SLCO3A1: variants seen among roughly 807,000 people sequenced by gnomAD.
SLCO3A1 encodes the protein PGE1 transporter.
A neutral mutation model predicts 63.1 loss-of-function variants in SLCO3A1; 27 were observed. The observed-to-expected ratio is 0.43, with a 90% CI of 0.32 to 0.59. The LOEUF (loss-of-function observed/expected upper bound fraction) is 0.59, where lower values mean the gene tolerates loss of function less well. Among genes scored for constraint, SLCO3A1 ranks in the 20% least tolerant of loss-of-function variants. The pLI is 0.09. For missense variants in SLCO3A1, 773 were observed against 945.8 expected (o/e 0.82, Z 2.40); for synonymous variants, 473 against 409.9 (o/e 1.15, Z -1.86).
In SLCO3A1 at chr15:92,131,810, A is replaced by G. The variant is rs569487258; in HGVS notation, c.1512+3321A>G. On this transcript the variant is annotated intron_variant, in intron 7 of 9. Transcript: ENST00000318445. ...CTCTCAGGGCTGTCTCTCCTTCACC[A>G]CTGCTGAGAAGCCTTCTCCAGCTCA... Among the ~76,000 whole-genome samples the G allele has an allele frequency of 3.7e-4, 53 of 145,114 alleles. 8 individuals carry two copies. Among genetic ancestry groups the G allele is most frequent in the Non-Finnish European group, 5.7e-4 (37 of 64,912 alleles).
chr15:92,126,018 C>T (rs1292029756), intron 5 of SLCO3A1, 43 bp from the exon 6 acceptor site: 1 of 1,571,072 alleles, frequency 6.4e-7, no homozygotes, highest in African/African-American at 1.4e-5. Flanking sequence ...AGACTGGCCC[C>T]ACCTTCCCTG....
At chr15:92,103,335 G>C (rs1367646136) in intron 3 of SLCO3A1, among the ~76,000 whole-genome samples, 1 of 152,140 alleles carries the variant, frequency 6.6e-6, no homozygotes, top group East Asian at 1.9e-4. Context: ...TGTAAAGAGA[G>C]AGAAAGAAAA....
chr15:92,132,354 T>C (rs8028432), intron 7 of SLCO3A1, among the ~76,000 whole-genome samples: 5 of 142,286 alleles, frequency 3.5e-5, no homozygotes, highest in African/African-American at 1.0e-4. Context: ...TTTTATTTTC[T>C]TATATCTCCT....
chr15:92,024,999 T>G (rs1281867987), intron 2 of SLCO3A1, among the ~76,000 whole-genome samples: 3 of 150,740 alleles, frequency 2.0e-5, no homozygotes, highest in Non-Finnish European at 4.4e-5. Flanking sequence ...CCAGCCAGCC[T>G]TCCATCCATC....
At chr15:92,112,023 A>G (rs915376439) in intron 4 of SLCO3A1, among the ~76,000 whole-genome samples, 1 of 152,206 alleles carries the variant, frequency 6.6e-6, no homozygotes, top group Non-Finnish European at 1.5e-5. Context: ...CAGAATACAG[A>G]GTAGAAAGTG....
rs190620934 is a variant in SLCO3A1 at position 92,062,889 on chromosome 15, C to T, written c.647-31992C>T. Among the ~76,000 whole-genome samples the T allele has an allele frequency of 2.4e-3, 363 of 152,296 alleles. 2 individuals are homozygous for T. Among genetic ancestry groups the T allele is most frequent in the African/African-American group, 7.8e-3 (323 of 41,560 alleles). On this transcript the variant is annotated intron_variant, in intron 2 of 9. Transcript: ENST00000318445. ...GATGGCTTCTGAATCAGGGCCTGCCCGCCTCCTGCAGGTCCCTCTCAGTAA... is the reference window on the plus strand; with the variant it reads ...GATGGCTTCTGAATCAGGGCCTGCCTGCCTCCTGCAGGTCCCTCTCAGTAA...
intron 2 of SLCO3A1, among the ~76,000 whole-genome samples, chr15:91,962,731 C>T (rs150839675): frequency 6.6e-6 from 1 of 152,160 alleles, no homozygotes; most frequent in East Asian, 1.9e-4. Context: ...TCCCCAGCAG[C>T]ACACCAGATG....
chr15:91,864,783 G>T (rs138666069), intron 1 of SLCO3A1, among the ~76,000 whole-genome samples: 556 of 152,266 alleles, frequency 3.7e-3, no homozygotes, highest in African/African-American at 0.013. Context: ...GAGGTCTGTC[G>T]CCTTGGTGCT....
intron 2 of SLCO3A1, among the ~76,000 whole-genome samples, chr15:92,001,027 C>T (rs1046480653): frequency 1.3e-5 from 2 of 152,104 alleles, no homozygotes; most frequent in Non-Finnish European, 2.9e-5. Flanking sequence ...ATGCAATTTA[C>T]CTTGTCATGA....
chr15:91,884,335 A>G (rs886914733), intron 1 of SLCO3A1, among the ~76,000 whole-genome samples: 5 of 151,944 alleles, frequency 3.3e-5, no homozygotes, highest in Admixed American at 6.6e-5. Flanking sequence ...ATGGGGAAAC[A>G]CCGTCTCTAC....
chr15:92,106,671 C>A (rs927820920), intron 4 of SLCO3A1, among the ~76,000 whole-genome samples: 3 of 152,146 alleles, frequency 2.0e-5, no homozygotes. Flanking sequence ...TAAAAAGATA[C>A]AATGGTGCCA....
intron 2 of SLCO3A1, among the ~76,000 whole-genome samples, chr15:91,946,368 T>C (rs985111375): frequency 6.6e-6 from 1 of 152,166 alleles, no homozygotes; most frequent in Non-Finnish European, 1.5e-5. Flanking sequence ...TTACCTTCCA[T>C]TGATTCCCAG....
intron 2 of SLCO3A1, among the ~76,000 whole-genome samples, chr15:91,930,641 G>A (rs77263279): frequency 0.015 from 2,319 of 152,310 alleles, 26 homozygotes; most frequent in Middle Eastern, 0.024. Context: ...CTTACGATGT[G>A]TCAGTCCCCG....
rs1258784077 is a variant in SLCO3A1 at position 91,885,811 on chromosome 15, G to A, written c.181-30182G>A. On this transcript the variant is annotated intron_variant, in intron 1 of 9. Coordinates refer to ENST00000318445, the MANE Select transcript of SLCO3A1 (RefSeq NM_013272.4). The surrounding 1 kb of genome is among the most constrained non-coding windows in gnomAD (Gnocchi z 4.7). The stretch of plus-strand genomic sequence containing the variant: ...CCTTTCTCTAAAGGCCTCTCTGGGC[G>A]GGTGATATTTGAGTAGATTTGAAAG... 8.5e-5 allele frequency among the ~76,000 whole-genome samples: 13 copies of A among 152,172 alleles called. No homozygotes were observed. The highest frequency in any genetic ancestry group is 1.2e-4 in the Non-Finnish European group (8 of 68,034).
At position 91,948,549 on chromosome 15, in the gene SLCO3A1, C is replaced by T. The variant is rs1370018790; in HGVS notation, c.646+32091C>T. 6.6e-6 allele frequency among the ~76,000 whole-genome samples: 1 copy of T among 152,064 alleles called. No homozygotes were observed. Among genetic ancestry groups the T allele is most frequent in the Non-Finnish European group, 1.5e-5 (1 of 68,024 alleles). The stretch of plus-strand genomic sequence containing the variant: ...AAGGAAGTGCAAGTCAGGAGAGGGC[C>T]GAATGTGCACGAGACTCTGCAGGAA... On this transcript the variant is annotated intron_variant, in intron 2 of 9. Transcript: ENST00000318445. This position sits in a 1 kb window ranked among gnomAD's most constrained non-coding sequence, Gnocchi z 4.8.
At chr15:91,906,034 C>T (rs1898296188) in intron 1 of SLCO3A1, among the ~76,000 whole-genome samples, 3 of 152,246 alleles carry the variant, frequency 2.0e-5, no homozygotes, top group South Asian at 2.1e-4. Context: ...ACCTTAGCTG[C>T]GTGGCATCAA....
At position 92,132,323 on chromosome 15, in the gene SLCO3A1, G is replaced by A. The variant is rs1019182835; in HGVS notation, c.1512+3834G>A. On this transcript the variant is annotated intron_variant, in intron 7 of 9. Coordinates refer to ENST00000318445, the MANE Select transcript of SLCO3A1 (RefSeq NM_013272.4). Reference sequence around the variant, plus strand: ...TTCCTGATATTAAACTTTTCTTCCTGCTCTGGATTGGATTTTTTTTTTTTA... The same window carrying A: ...TTCCTGATATTAAACTTTTCTTCCTACTCTGGATTGGATTTTTTTTTTTTA... Among the ~76,000 whole-genome samples, 2 of 144,818 alleles carry A rather than the reference G, an allele frequency of 1.4e-5. 1 individual carries two copies.
At chr15:91,955,219 A>C (rs958118618) in intron 2 of SLCO3A1, among the ~76,000 whole-genome samples, 2 of 152,206 alleles carry the variant, frequency 1.3e-5, no homozygotes, top group Non-Finnish European at 2.9e-5. Context: ...AACACTGCAC[A>C]CAAGGCCACA....
At chr15:91,918,055 C>T (rs191746829) in intron 2 of SLCO3A1, among the ~76,000 whole-genome samples, 1 of 152,172 alleles carries the variant, frequency 6.6e-6, no homozygotes, top group Admixed American at 6.5e-5. Context: ...ATCACTTCTG[C>T]CTGGGGCTTC....
Sources: gnomAD v4.1 joint callset for allele counts (sites outside exome capture counted in the v4.1 genomes callset) on GRCh38, gnomAD v4.1.1 for gene constraint, Gnocchi (gnomAD v3.1) non-coding constraint, MANE v1.5 for transcripts, NCBI Gene and HGNC (gene_info 2026-07-23, HGNC 2026-07-21) for gene names.